UTP18: variants seen among roughly 807,000 people sequenced by gnomAD.
The protein encoded by UTP18 is UTP18 small subunit processome component, also known as U3 small nucleolar RNA-associated protein 18 homolog.
A neutral mutation model predicts 61.1 loss-of-function variants in UTP18; 36 were observed. That is an observed-to-expected ratio of 0.59 (90% CI 0.45 to 0.78). The LOEUF (loss-of-function observed/expected upper bound fraction) is 0.78, where lower values mean the gene tolerates loss of function less well. UTP18 is among the 30% of genes least tolerant of loss of function. The pLI, the probability that UTP18 is intolerant of heterozygous loss-of-function variation, is 0.00. For missense variants in UTP18, 753 were observed against 693.9 expected (o/e 1.09, Z -0.96); for synonymous variants, 282 against 251.1 (o/e 1.12, Z -1.16).
At position 51,277,213 on chromosome 17, in the gene UTP18, G is replaced by A; in HGVS notation, c.921G>A (p.Gly307=). The A allele has an allele frequency of 2.5e-6, 4 of 1,614,114 alleles. No homozygotes were observed. Among genetic ancestry groups the A allele is most frequent in the Non-Finnish European group, 3.4e-6 (4 of 1,180,016 alleles). Residue 307 remains glycine, a synonymous_variant, in exon 7 of 14, where the codon GGG becomes GGA. Coordinates refer to ENST00000225298, the MANE Select transcript of UTP18 (RefSeq NM_016001.3). ...PIFKACFSAN[G]EEVLATSTHS... ...TTAAGGCTTGTTTTAGTGCTAATGG[G>A]GAAGAAGTTTTAGCCACGAGTACCC...
At chr17:51,268,232 T>C (rs1234485782) in intron 3 of UTP18, among the ~76,000 whole-genome samples, 1 of 152,162 alleles carries the variant, frequency 6.6e-6, no homozygotes, top group East Asian at 1.9e-4. Flanking sequence ...TTCACCATGT[T>C]AGCCAGGATG....
chr17:51,279,876 T>C (rs550095925), intron 7 of UTP18, 129 bp from the exon 8 acceptor site: 28 of 746,946 alleles, frequency 3.7e-5, no homozygotes, highest in Admixed American at 5.7e-5. Flanking sequence ...ATTCGGGGTC[T>C]GAGCCAGGGT....
chr17:51,297,296 GACTT>G (rs1905392370), intron 13 of UTP18, among the ~76,000 whole-genome samples: 1 of 152,150 alleles, frequency 6.6e-6, no homozygotes, highest in African/African-American at 2.4e-5. Context: ...ATCCACAAAA[GACTT>G]AATAACACAG....
At chr17:51,292,936 G>T (rs1379453528) in intron 11 of UTP18, among the ~76,000 whole-genome samples, 3 of 152,308 alleles carry the variant, frequency 2.0e-5, no homozygotes, top group Non-Finnish European at 4.4e-5. Flanking sequence ...AATTGTAAAA[G>T]GCAAAGTGTA....
Position 51,280,105 on chromosome 17 carries a change from G to A in UTP18, c.1113G>A (p.Lys371=), listed in dbSNP as rs1244098277. ...GATATTTGCATTTGCTAGCAATGAA[G>A]GTAAAGCATTATTATTGCTTCTTGT... The part of the protein sequence containing the change: ...IAGYLHLLAM[K]TKELIGSMKI... The change falls in exon 8 of 14, where the codon AAG becomes AAA. Residue 371 remains lysine (K), a splice_region_variant and synonymous_variant. Coordinates refer to ENST00000225298, the MANE Select transcript of UTP18 (RefSeq NM_016001.3). The A allele has an allele frequency of 6.2e-7, 1 of 1,612,472 alleles. No individual in the cohort carries two copies. The highest frequency in any genetic ancestry group is 1.3e-5 in the African/African-American group (1 of 74,898).
At chr17:51,295,905 C>G (rs373768555) in intron 12 of UTP18, among the ~76,000 whole-genome samples, 6 of 152,272 alleles carry the variant, frequency 3.9e-5, no homozygotes, top group African/African-American at 1.2e-4. Context: ...GAAAAAGCCA[C>G]TTTAATAATA....
At chr17:51,270,600 A>C (rs1904496711) in intron 4 of UTP18, among the ~76,000 whole-genome samples, 4 of 152,182 alleles carry the variant, frequency 2.6e-5, no homozygotes, top group Non-Finnish European at 5.9e-5. Context: ...TAGGGACCCA[A>C]GTTTATAGAA....
At position 51,277,267 on chromosome 17, in the gene UTP18, G is replaced by A. The variant is rs754405359; in HGVS notation, c.975G>A (p.Met325Ile). The A allele has an allele frequency of 3.7e-6, 6 of 1,613,986 alleles. No individual in the cohort carries two copies. In the Admixed American group the frequency reaches 8.3e-5, roughly 22 times the overall value. Residue 325 changes from methionine (M) to isoleucine (I), a missense_variant, in exon 7 of 14, where the codon ATG becomes ATA. Coordinates refer to ENST00000225298, the MANE Select transcript of UTP18 (RefSeq NM_016001.3). ...GCAAGGTTCTTTATGTCTATGACAT[G>A]CTGGCTGGAAAGTTAATTCCTGTGC... ...THSKVLYVYD[M>I]LAGKLIPVHQ...
At position 51,268,902 on chromosome 17, in the gene UTP18, A is replaced by T. The variant is rs1259000081; in HGVS notation, c.620A>T (p.Asp207Val). ...ACTACTAAGCGGAAAACATCTTCAG[A>T]TGGTGAGCGTTGATATTTCTGTTTA... ...AETTKRKTSS[D>V]DESEEDEDDL... The change falls in exon 4 of 14, where the codon GAT becomes GTT. Residue 207 changes from aspartate (D) to valine (V), a missense_variant and splice_region_variant. Asp to Val is a radical substitution (Grantham distance 152). Transcript: ENST00000225298. 1 of 1,613,542 alleles carries T rather than the reference A, an allele frequency of 6.2e-7. No homozygotes were observed. The highest frequency in any genetic ancestry group is 8.5e-7 in the Non-Finnish European group (1 of 1,179,688).
In UTP18 at chr17:51,264,687, C is replaced by CT. The variant is rs780120792; in HGVS notation, c.455+1303dup. Among the ~76,000 whole-genome samples, 393 of 139,476 alleles carry CT rather than the reference C, an allele frequency of 2.8e-3. 10 individuals carry two copies. The highest frequency in any genetic ancestry group is 6.1e-3 in the African/African-American group (231 of 37,922). 91.5% of individuals were successfully genotyped at this position (139,476 alleles called of 152,430 possible). A position where few individuals can be genotyped will look rare whatever the true frequency, so the allele number is the denominator to read the frequency against. On this transcript the variant is annotated intron_variant, in intron 2 of 13. Transcript: ENST00000225298. ...AAGTGTTTTTGTGTTTAGTCATTGT[C>CT]TTCTTTTTTTTTTTTTTGAGACTCT...
chr17:51,282,109 A>G (rs1423597309), intron 9 of UTP18, among the ~76,000 whole-genome samples: 1 of 152,234 alleles, frequency 6.6e-6, no homozygotes, highest in Non-Finnish European at 1.5e-5. Context: ...GGACAGCTAC[A>G]TAATCTTAGT....
intron 10 of UTP18, among the ~76,000 whole-genome samples, chr17:51,287,306 TC>T (rs1355054876): frequency 6.6e-6 from 1 of 152,314 alleles, no homozygotes; most frequent in African/African-American, 2.4e-5. Flanking sequence ...TCTTAAAGAA[TC>T]TTAAGCAAAT....
At chr17:51,294,096 A>G in intron 12 of UTP18, 51 bp downstream of exon 12, 1 of 1,472,650 alleles carries the variant, frequency 6.8e-7, no homozygotes, top group South Asian at 1.5e-5. Flanking sequence ...ACTACTTCTG[A>G]CAGTATGAAG....
chr17:51,290,260 A>G (rs1472091831), intron 11 of UTP18, among the ~76,000 whole-genome samples: 1 of 152,098 alleles, frequency 6.6e-6, no homozygotes, highest in Non-Finnish European at 1.5e-5. Context: ...TACTAAAATT[A>G]CAAATATTAG....
intron 1 of UTP18, among the ~76,000 whole-genome samples, chr17:51,262,496 C>A (rs370084996): frequency 1.3e-5 from 2 of 152,118 alleles, no homozygotes; most frequent in South Asian, 4.2e-4. Context: ...AACTTTGTCA[C>A]CCAGACTGGA....
intron 5 of UTP18, among the ~76,000 whole-genome samples, chr17:51,274,877 C>T (rs1207463387): frequency 1.3e-5 from 2 of 151,954 alleles, no homozygotes; most frequent in Non-Finnish European, 2.9e-5. Flanking sequence ...TAGCTCTTTA[C>T]GGGTGAATTC....
intron 4 of UTP18, among the ~76,000 whole-genome samples, chr17:51,270,278 C>T (rs1286850685): frequency 6.6e-6 from 1 of 152,166 alleles, no homozygotes; most frequent in Non-Finnish European, 1.5e-5. Context: ...TTCTTTTTCT[C>T]TCATTTGGGA....
chr17:51,279,256 C>T (rs1409966345), intron 7 of UTP18, among the ~76,000 whole-genome samples: 1 of 152,170 alleles, frequency 6.6e-6, no homozygotes, highest in Non-Finnish European at 1.5e-5. Context: ...CATTCTGATG[C>T]ATCCTGTTAG....
chr17:51,285,070 AAAAAG>A (rs962157029), intron 9 of UTP18, among the ~76,000 whole-genome samples, 170 bp from the exon 10 acceptor site: 7 of 152,086 alleles, frequency 4.6e-5, no homozygotes, highest in Non-Finnish European at 7.4e-5. Flanking sequence ...TCAAAAAAAA[AAAAAG>A]GAAAAAAGAA....
Sources: gnomAD v4.1 joint callset for allele counts (sites outside exome capture counted in the v4.1 genomes callset) on GRCh38, gnomAD v4.1.1 for gene constraint, MANE v1.5 for transcripts, NCBI Gene and HGNC (gene_info 2026-07-23, HGNC 2026-07-21) for gene names.